Variants in PHIP observed in about 807,000 individuals in gnomAD.
The protein encoded by PHIP is PH-interacting protein.
A neutral mutation model predicts 236.8 loss-of-function variants in PHIP; 54 were observed. That is an observed-to-expected ratio of 0.23 (90% CI 0.18 to 0.29). The LOEUF is 0.29. Among genes scored for constraint, PHIP ranks in the 10% least tolerant of loss-of-function variants. The pLI, the probability that PHIP is intolerant of heterozygous loss-of-function variation, is 1.00. For synonymous variants in PHIP, 756 were observed against 718.9 expected, an observed-to-expected ratio of 1.05 and a Z score of -0.83; for missense variants, 1,370 against 2,190.8, an observed-to-expected ratio of 0.63 and a Z score of 7.48.
At chr6:78,967,132 G>C (rs1478858068) in intron 27 of PHIP, among the ~76,000 whole-genome samples, 1 of 152,070 alleles carries the variant, frequency 6.6e-6, no homozygotes, top group Admixed American at 6.6e-5. Flanking sequence ...GGATTTAAAA[G>C]TTTATAAAAA....
intron 19 of PHIP, among the ~76,000 whole-genome samples, chr6:78,996,292 T>C (rs757910564): frequency 6.6e-6 from 1 of 152,252 alleles, no homozygotes; most frequent in South Asian, 2.1e-4. Context: ...GGCCCACTGC[T>C]ATCTGTGTCT....
intron 24 of PHIP, among the ~76,000 whole-genome samples, chr6:78,976,580 G>T (rs1308532010): frequency 7.3e-6 from 1 of 137,206 alleles, no homozygotes; most frequent in East Asian, 2.3e-4. Context: ...CCATCAGAGT[G>T]AACAGGCAAC....
At chr6:78,972,914 G>A (rs1451991682) in intron 24 of PHIP, among the ~76,000 whole-genome samples, 1 of 152,204 alleles carries the variant, frequency 6.6e-6, no homozygotes, top group Non-Finnish European at 1.5e-5. Context: ...TGGTGTACCT[G>A]AAAGTGATGG....
chr6:79,059,592 T>C (rs1773252165), intron 6 of PHIP, among the ~76,000 whole-genome samples: 1 of 9,274 alleles, frequency 1.1e-4, no homozygotes, highest in South Asian at 3.4e-3. Flanking sequence ...AAAGCAAAAT[T>C]ATATATATAT....
chr6:78,989,932 T>C (rs1408190738), intron 20 of PHIP, among the ~76,000 whole-genome samples: 1 of 152,190 alleles, frequency 6.6e-6, no homozygotes, highest in African/African-American at 2.4e-5. Flanking sequence ...CTAACAGGAA[T>C]TCTAGCATTG....
rs781122543 is a variant in PHIP at position 78,939,792 on chromosome 6, C to T, written c.*901G>A. 1 of 152,274 alleles carries T rather than the reference C, an allele frequency of 6.6e-6. No individual in the cohort carries two copies. The highest frequency in any genetic ancestry group is 1.5e-5 in the Non-Finnish European group (1 of 67,830). 9.4% of individuals were successfully genotyped at this position (152,274 alleles called of 1,614,324 possible). ...AACCACTTAAACATTTCCTCTAGAA[C>T]ATCTCTGTCAAAGGACCCACCAGTG... On this transcript the variant is annotated 3_prime_UTR_variant, in exon 40 of 40. Transcript: ENST00000275034.
chr6:79,060,370 T>C, intron 6 of PHIP, 108 bp downstream of exon 6: 1 of 642,312 alleles, frequency 1.6e-6, no homozygotes, highest in East Asian at 2.8e-5. Flanking sequence ...TGAATGCAGA[T>C]GTACATAATA....
At chr6:79,013,106 T>C (rs960716351) in intron 15 of PHIP, among the ~76,000 whole-genome samples, 8 of 151,480 alleles carry the variant, frequency 5.3e-5, no homozygotes, top group Non-Finnish European at 8.9e-5. Flanking sequence ...ACTCAGTAAA[T>C]TGGGGCAAAG....
At position 78,959,496 on chromosome 6, in the gene PHIP, TA is replaced by T. The variant is rs555395932; in HGVS notation, c.3657-897del. On this transcript the variant is annotated intron_variant, in intron 31 of 39. Transcript: ENST00000275034. Reference sequence around the variant, plus strand: ...GCAGGGCAAACTGACAGTAATAGTTTAACAAGAGATTGAACTAGAAGTTTCA... The same window carrying T: ...GCAGGGCAAACTGACAGTAATAGTTTACAAGAGATTGAACTAGAAGTTTCA... Among the ~76,000 whole-genome samples the T allele has an allele frequency of 4.2e-3, 644 of 152,210 alleles. 3 individuals are homozygous for T. The highest frequency in any genetic ancestry group is 0.015 in the African/African-American group (629 of 41,542).
chr6:79,046,903 T>TAAAAAA (rs747732821), intron 6 of PHIP, among the ~76,000 whole-genome samples: 1 of 109,570 alleles, frequency 9.1e-6, no homozygotes. Flanking sequence ...GTTTAAGAAT[T>TAAAAAA]AAAAAAAAAA....
Position 79,060,819 on chromosome 6 carries a change from C to A in PHIP, c.190-1G>T. 1 of 1,586,284 alleles carries A rather than the reference C, an allele frequency of 6.3e-7. No homozygotes were observed. Among genetic ancestry groups the A allele is most frequent in the East Asian group, 2.3e-5 (1 of 44,386 alleles). ...GTGCTAAGTGTCTGTAATACTTCAC[C>A]TATTATGTAAAAGACAAATATAGTA... On this transcript the variant is annotated splice_acceptor_variant, in intron 4 of 39. Coordinates refer to ENST00000275034, the MANE Select transcript of PHIP (RefSeq NM_017934.7). LOFTEE classifies it high-confidence loss of function.
rs1773507429 is a variant in PHIP at position 78,941,644 on chromosome 6, A to AC, written c.4829-315_4829-314insG. ...AAGGTTTCTTATTCCTAACTTAGAA[A>AC]TAAGTTACTCTTGGTCAAAAACTTT... On this transcript the variant is annotated intron_variant, in intron 39 of 39. Coordinates refer to ENST00000275034, the MANE Select transcript of PHIP (RefSeq NM_017934.7). Among the ~76,000 whole-genome samples the AC allele has an allele frequency of 2.0e-5, 3 of 152,188 alleles. No homozygotes were observed. In the South Asian group the frequency reaches 6.2e-4, roughly 32 times the overall value.
intron 6 of PHIP, among the ~76,000 whole-genome samples, chr6:79,055,845 C>T (rs968529689): frequency 6.6e-6 from 1 of 152,176 alleles, no homozygotes; most frequent in Non-Finnish European, 1.5e-5. Flanking sequence ...GAACTGATAA[C>T]TCAGTCTACT....
chr6:79,057,937 G>C (rs534931990), intron 6 of PHIP, among the ~76,000 whole-genome samples: 2 of 152,028 alleles, frequency 1.3e-5, no homozygotes, highest in African/African-American at 4.8e-5. Flanking sequence ...GTGAACTCTA[G>C]CAAAACACAG....
At chr6:79,001,076 T>A (rs1319112227) in intron 17 of PHIP, among the ~76,000 whole-genome samples, 3 of 152,110 alleles carry the variant, frequency 2.0e-5, no homozygotes, top group African/African-American at 7.2e-5. Context: ...AAAAGCTACT[T>A]AGAAGCTTTT....
chr6:79,020,537 T>A (rs1480066386), intron 9 of PHIP, among the ~76,000 whole-genome samples: 1 of 152,218 alleles, frequency 6.6e-6, no homozygotes, highest in Non-Finnish European at 1.5e-5. Context: ...GGATTATAGC[T>A]CTAGATTTTT....
rs1208567579 is a variant in PHIP, at chr6:78,960,450, CT to C, written c.3656+1239del. Among the ~76,000 whole-genome samples, 3,076 of 137,376 alleles carry C rather than the reference CT, an allele frequency of 0.022. 37 individuals are homozygous for C. Among genetic ancestry groups the C allele is most frequent in the African/African-American group, 0.039 (1,479 of 37,660 alleles). The allele number at this position is 137,376 out of a possible 152,430, so 90.1% of individuals were successfully genotyped here. ...GAAAGAGGAATATAGTTAGGAATTC[CT>C]TTTTTTTTTTTTTTTCTCTTAAACT... On this transcript the variant is annotated intron_variant, in intron 31 of 39. Coordinates refer to ENST00000275034, the MANE Select transcript of PHIP (RefSeq NM_017934.7).
In PHIP at chr6:78,938,952, ATTTT is replaced by A. The variant is rs1305629448; in HGVS notation, c.*1737_*1740del. ...TTGCCAAGGTTCAATTGCAGACTTT[ATTTT>A]TCTACATCAGGGTCATGCTGATACA... On this transcript the variant is annotated 3_prime_UTR_variant, in exon 40 of 40. Transcript: ENST00000275034. 6.7e-6 allele frequency: 1 copy of A among 149,918 alleles called. No homozygotes were observed. The highest frequency in any genetic ancestry group is 1.5e-5 in the Non-Finnish European group (1 of 66,292). 9.3% of individuals were successfully genotyped at this position (149,918 alleles called of 1,614,324 possible).
rs1425328194 is a variant in PHIP, at chr6:78,939,503, T to C, written c.*1190A>G. On this transcript the variant is annotated 3_prime_UTR_variant, in exon 40 of 40. Coordinates refer to ENST00000275034, the MANE Select transcript of PHIP (RefSeq NM_017934.7). ...TAAAATTAAACTATAAAGTATGACATTTTAAAATTATTTTTATTCTACTGC... is the reference window on the plus strand; with the variant it reads ...TAAAATTAAACTATAAAGTATGACACTTTAAAATTATTTTTATTCTACTGC... 1 of 151,880 alleles carries C rather than the reference T, an allele frequency of 6.6e-6. No individual in the cohort carries two copies. The highest frequency in any genetic ancestry group is 1.5e-5 in the Non-Finnish European group (1 of 67,792). 9.4% of individuals were successfully genotyped at this position (151,880 alleles called of 1,614,324 possible). A position where few individuals can be genotyped will look rare whatever the true frequency, so the allele number is the denominator to read the frequency against.
Sources: allele counts gnomAD v4.1 joint callset (sites outside exome capture counted in the v4.1 genomes callset), GRCh38; gene constraint gnomAD v4.1.1; transcripts MANE v1.5; gene names NCBI Gene and HGNC (gene_info 2026-07-23, HGNC 2026-07-21).